CDAN1: variants seen among roughly 807,000 people sequenced by gnomAD.
CDAN1 encodes codanin-1.
In CDAN1, 107 loss-of-function variants were observed where a neutral mutation model predicts 139.8. The observed-to-expected ratio is 0.77, with a 90% CI of 0.65 to 0.90. The LOEUF (loss-of-function observed/expected upper bound fraction) is 0.90. Ranked by LOEUF, CDAN1 falls within the 40% of genes least tolerant of loss-of-function variation. CDAN1 has a pLI of 0.00. For missense variants in CDAN1, 1,667 were observed against 1,575.7 expected, an observed-to-expected ratio of 1.06 and a Z score of -0.98; for synonymous variants, 776 against 660.6, an observed-to-expected ratio of 1.17 and a Z score of -2.68.
At chr15:42,724,737 C>G (rs2061500102) in intron 27 of CDAN1, 121 bp from the exon 28 acceptor site, 1 of 1,198,172 alleles carries the variant, frequency 8.3e-7, no homozygotes, top group Non-Finnish European at 1.2e-6. Flanking sequence ...GCCCTCCACA[C>G]TGAAATGGAC....
At position 42,734,255 on chromosome 15, in the gene CDAN1, G is replaced by A. The variant is rs1270823012; in HGVS notation, c.1228C>T (p.Arg410Ter). 3.1e-6 allele frequency: 5 copies of A among 1,613,968 alleles called. No homozygotes were observed. Among genetic ancestry groups the A allele is most frequent in the African/African-American group, 1.3e-5 (1 of 74,906 alleles). ...GCAACACTGCCCTCATAGGCAGCTC[G>A]AAGGCGGCCTTGCAGAGCTGGTGAG... ...CFSPALQGRL[R>*]AAYEGSVAKV... Residue 410 changes from arginine to a stop codon, truncating the protein, a stop_gained, in exon 7 of 28, where the codon CGA becomes TGA. Coordinates refer to ENST00000356231, the MANE Select transcript of CDAN1 (RefSeq NM_138477.4). LOFTEE classifies it high-confidence loss of function.
chr15:42,734,671 C>A (rs2061663392), intron 6 of CDAN1, among the ~76,000 whole-genome samples: 3 of 151,894 alleles, frequency 2.0e-5, no homozygotes, highest in African/African-American at 7.3e-5. Context: ...GTCACCCAGG[C>A]TGCAGTGGCG....
At chr15:42,736,960 C>G (rs1011934392) in intron 1 of CDAN1, 53 bp downstream of exon 1, 1 of 1,515,748 alleles carries the variant, frequency 6.6e-7, no homozygotes, top group African/African-American at 1.4e-5. Context: ...GGGCTGGACT[C>G]CACTGCGGGA....
At position 42,729,322 on chromosome 15, in the gene CDAN1, A is replaced by G. The variant is rs764657359; in HGVS notation, c.2448T>C (p.Ser816=). Reference sequence around the variant, plus strand: ...TCATGAAGCCCCCACTCCGTCCACTACTGCCTGACACCCACGAAGCGAGCA... The same window carrying G: ...TCATGAAGCCCCCACTCCGTCCACTGCTGCCTGACACCCACGAAGCGAGCA... ...RKLLASWVSG[S]SGRSGGFMRK... Residue 816 remains serine (S), a synonymous_variant, in exon 18 of 28, where the codon AGT becomes AGC. Coordinates refer to ENST00000356231, the MANE Select transcript of CDAN1 (RefSeq NM_138477.4). The G allele has an allele frequency of 6.2e-7, 1 of 1,614,052 alleles. No homozygotes were observed. Among genetic ancestry groups the G allele is most frequent in the South Asian group, 1.1e-5 (1 of 91,076 alleles).
intron 17 of CDAN1, 61 bp downstream of exon 17, chr15:42,729,493 CTGGGCCAAGGGGGT>C: frequency 1.2e-6 from 2 of 1,605,712 alleles, no homozygotes; most frequent in Non-Finnish European, 1.7e-6. Context: ...TCCAAGGGAG[CTGGGCCAAGGGGGT>C]GCCTTTTGGG....
At chr15:42,729,494 T>C in intron 17 of CDAN1, 74 bp downstream of exon 17, 1 of 1,606,460 alleles carries the variant, frequency 6.2e-7, no homozygotes, top group African/African-American at 1.3e-5. Context: ...CCAAGGGAGC[T>C]GGGCCAAGGG....
rs1484923541 is a variant in CDAN1 at position 42,737,021 on chromosome 15, C to T, written c.82G>A (p.Gly28Ser). Residue 28 changes from glycine to serine, a missense_variant, in exon 1 of 28, where the codon GGT (glycine) becomes AGT (serine). Physicochemically the swap from Gly to Ser is moderately conservative, Grantham distance 56 (BLOSUM62 0). Around this residue, in one of 3 missense-constraint regions of CDAN1, gnomAD observed 487 missense variants for 422.2 expected, o/e 1.15. Transcript: ENST00000356231. ...CGTGTCACCGCTGTTACCTCCGAACCCTGGGTGCTGCGCGCGATCCACCGC... is the reference window on the plus strand; with the variant it reads ...CGTGTCACCGCTGTTACCTCCGAACTCTGGGTGCTGCGCGCGATCCACCGC... ...VVRWIARSTQ[G>S]SEDNAGEAAA... 1 of 1,547,488 alleles carries T rather than the reference C, an allele frequency of 6.5e-7. No individual in the cohort carries two copies. Among genetic ancestry groups the T allele is most frequent in the Admixed American group, 2.0e-5 (1 of 51,164 alleles).
In CDAN1 at chr15:42,729,882, G is replaced by A; in HGVS notation, c.2266C>T (p.Pro756Ser). The change falls in exon 16 of 28, where the codon CCC becomes TCC. Residue 756 changes from proline (P) to serine (S), a missense_variant. By Grantham distance (74) the Pro-to-Ser change is moderately conservative. Transcript: ENST00000356231. ...AAGAACAAGTCCTCAGGGACTGTGG[G>A]AATCTGGCAAGACAGTCACAATTCA... The part of the protein sequence containing the change: ...LAVLGWLFQI[P>S]TVPEDLFFLE... 1 of 1,612,360 alleles carries A rather than the reference G, an allele frequency of 6.2e-7. No individual in the cohort carries two copies. The highest frequency in any genetic ancestry group is 8.5e-7 in the Non-Finnish European group (1 of 1,179,236).
Position 42,735,124 on chromosome 15 carries a change from A to G in CDAN1, c.1112T>C (p.Val371Ala), listed in dbSNP as rs1237381960. The change falls in exon 6 of 28, where the codon GTG (valine) becomes GCG (alanine). Residue 371 changes from valine (V) to alanine (A), a missense_variant. Transcript: ENST00000356231. ...QSIHDCVFFA[V>A]QVLECHFQVL... ...CTGAAAGTGACACTCCAAAACCTGC[A>G]CTGCAAAGAAGACACAATCGTGGAT... The G allele has an allele frequency of 1.9e-6, 3 of 1,613,818 alleles. No homozygotes were observed. The African/African-American group carries it at 4.0e-5, about 22-fold the overall frequency.
chr15:42,725,073 G>A lies in CDAN1; in HGVS notation c.3558+71C>T, dbSNP rs2061504522. 5 of 1,300,108 alleles carry A rather than the reference G, an allele frequency of 3.8e-6. No individual in the cohort carries two copies. In the East Asian group the frequency reaches 1.2e-4, roughly 31 times the overall value. The allele number at this position is 1,300,108 out of a possible 1,614,324, so 80.5% of individuals were successfully genotyped here. A position where few individuals can be genotyped will look rare whatever the true frequency, so the allele number is the denominator to read the frequency against. ...TCCACTTAGTTTGGCCCCATCACTTGCTTCCTTTCAGGACAGATGGGATAT... is the reference window on the plus strand; with the variant it reads ...TCCACTTAGTTTGGCCCCATCACTTACTTCCTTTCAGGACAGATGGGATAT... On this transcript the variant is annotated intron_variant, in intron 27 of 27. Transcript: ENST00000356231.
chr15:42,728,065 G>C (rs765058557), intron 21 of CDAN1, 32 bp from the exon 22 acceptor site: 2 of 1,608,004 alleles, frequency 1.2e-6, no homozygotes, highest in South Asian at 1.1e-5. Context: ...TCAGGGGCTA[G>C]GGGAGGGCTG....
At position 42,723,617 on chromosome 15, in the gene CDAN1, G is replaced by GGAC. The variant is rs2061487046; in HGVS notation, c.*873_*874insGTC. 2 of 152,240 alleles carry GGAC rather than the reference G, an allele frequency of 1.3e-5. No homozygotes were observed. Among genetic ancestry groups the GGAC allele is most frequent in the South Asian group, 4.1e-4 (2 of 4,834 alleles). 9.4% of individuals were successfully genotyped at this position (152,240 alleles called of 1,614,324 possible). ...CTAAATGCCCTGTGCTTGGTCCCTG[G>GGAC]TCAGGGAGAGGTCTCAAGAGGTTAC... On this transcript the variant is annotated 3_prime_UTR_variant, in exon 28 of 28. Transcript: ENST00000356231.
chr15:42,731,457 C>T (rs949896136), intron 11 of CDAN1, 126 bp from the exon 12 acceptor site: 17 of 1,466,350 alleles, frequency 1.2e-5, no homozygotes, highest in African/African-American at 2.8e-5. Context: ...GCAATGAAAT[C>T]ACCCACGTGG....
At chr15:42,732,249 G>GC in intron 10 of CDAN1, 84 bp downstream of exon 10, 1 of 1,280,658 alleles carries the variant, frequency 7.8e-7, no homozygotes, top group Non-Finnish European at 1.1e-6. Flanking sequence ...CAGGCTGTCT[G>GC]CCCTATCCCA....
chr15:42,729,959 A>T, intron 15 of CDAN1, 74 bp from the exon 16 acceptor site: 1 of 821,694 alleles, frequency 1.2e-6, no homozygotes, highest in Non-Finnish European at 1.7e-6. Flanking sequence ...GCACGGTCCC[A>T]GGGTGTAGGC....
At position 42,724,371 on chromosome 15, in the gene CDAN1, C is replaced by CTT. The variant is rs2061495400; in HGVS notation, c.*119_*120insAA. 1 of 1,352,418 alleles carries CTT rather than the reference C, an allele frequency of 7.4e-7. No homozygotes were observed. 83.8% of individuals were successfully genotyped at this position (1,352,418 alleles called of 1,614,324 possible). On this transcript the variant is annotated 3_prime_UTR_variant, in exon 28 of 28. Coordinates refer to ENST00000356231, the MANE Select transcript of CDAN1 (RefSeq NM_138477.4). ...CAGTGACACCCTTAGAGCAGGAAGT[C>CTT]TGACTGTAGACCCAGCTACACCCCA...
In CDAN1 at chr15:42,730,498, C is replaced by T. The variant is rs1054323295; in HGVS notation, c.2174+100G>A. 2.4e-5 allele frequency: 33 copies of T among 1,385,166 alleles called. No homozygotes were observed. In the South Asian group the frequency reaches 2.6e-4, roughly 11 times the overall value. 85.8% of individuals were successfully genotyped at this position (1,385,166 alleles called of 1,614,324 possible). A position where few individuals can be genotyped will look rare whatever the true frequency, so the allele number is the denominator to read the frequency against. ...GCTCAGTTATGGCCAGGGCCCCACA[C>T]GCACAGTGCAGACTGCTCGACCCTC... On this transcript the variant is annotated intron_variant, in intron 14 of 27. Transcript: ENST00000356231.
intron 1 of CDAN1, 62 bp from the exon 2 acceptor site, chr15:42,736,842 AGCCGGGGCCGTAGG>A (rs1454804819): frequency 6.9e-7 from 1 of 1,459,662 alleles, no homozygotes; most frequent in Non-Finnish European, 9.0e-7. Context: ...GGCCGTGAGC[AGCCGGGGCCGTAGG>A]GCGCGCCTCG....
chr15:42,726,433 G>T lies in CDAN1; in HGVS notation c.3097-16C>A. The T allele has an allele frequency of 6.4e-7, 1 of 1,558,622 alleles. No homozygotes were observed. Among genetic ancestry groups the T allele is most frequent in the Non-Finnish European group, 8.7e-7 (1 of 1,144,904 alleles). ...AGAGCACGTCCTGTGAAGAGCAGGG[G>T]GAGATATCACCTTGCGCTGGGGGCC... On this transcript the variant is annotated splice_polypyrimidine_tract_variant and intron_variant, in intron 23 of 27. Transcript: ENST00000356231.
Sources: allele counts gnomAD v4.1 joint callset (sites outside exome capture counted in the v4.1 genomes callset), GRCh38; gene constraint gnomAD v4.1.1; regional missense constraint gnomAD v4.1.1; transcripts MANE v1.5; gene names NCBI Gene and HGNC (gene_info 2026-07-23, HGNC 2026-07-21).